Variants in PRTG observed in about 807,000 individuals in gnomAD.
PRTG encodes protogenin, also known as immunoglobulin superfamily, DCC subclass, member 5.
In PRTG, 67 loss-of-function variants were observed where a neutral mutation model predicts 122.5. The ratio of observed to expected loss-of-function variants is 0.55; its 90% CI spans 0.45 to 0.67. The LOEUF is 0.67. Among genes scored for constraint, PRTG ranks in the 30% least tolerant of loss-of-function variants. The pLI, the probability that PRTG is intolerant of heterozygous loss-of-function variation, is 0.00. For missense variants in PRTG, 1,435 were observed against 1,415.4 expected (o/e 1.01, Z -0.22); for synonymous variants, 554 against 501.1 (o/e 1.11, Z -1.41).
Position 55,704,989 on chromosome 15 carries a change from A to G in PRTG, c.398-21058T>C, listed in dbSNP as rs190210944. 1.8e-3 allele frequency among the ~76,000 whole-genome samples: 273 copies of G among 152,334 alleles called. 2 individuals carry two copies. Among genetic ancestry groups the G allele is most frequent in the Middle Eastern group, 3.4e-3 (1 of 294 alleles). On this transcript the variant is annotated intron_variant, in intron 2 of 19. Transcript: ENST00000389286. ...GCTTGACAACACAGCCCTAAAGAAG[A>G]GAAGAGAGAATTAACCTACTATATA...
intron 11 of PRTG, among the ~76,000 whole-genome samples, chr15:55,652,628 C>A (rs1286662806): frequency 6.6e-6 from 1 of 152,070 alleles, no homozygotes; most frequent in Non-Finnish European, 1.5e-5. Context: ...CTGGGGCCAG[C>A]TCAAGTCTGG....
At chr15:55,709,466 T>G (rs1374200583) in intron 2 of PRTG, among the ~76,000 whole-genome samples, 1 of 151,084 alleles carries the variant, frequency 6.6e-6, no homozygotes, top group Non-Finnish European at 1.5e-5. Flanking sequence ...GTTTGGCAGT[T>G]TCCTAAAAAG....
rs1385986455 is a variant in PRTG at position 55,673,507 on chromosome 15, G to A, written c.1716C>T (p.Thr572=). Residue 572 remains threonine, a synonymous_variant, in exon 10 of 20, where the codon ACC becomes ACT. Coordinates refer to ENST00000389286, the MANE Select transcript of PRTG (RefSeq NM_173814.6). ...NSIQVLELPG[T]THEYLLEGLK... ...GGCCTTCCAAAAGGTACTCATGCGT[G>A]GTCCCCGGGAGCTCCAGAACTTGGA... 1.2e-6 allele frequency: 2 copies of A among 1,613,996 alleles called. No homozygotes were observed. Among genetic ancestry groups the A allele is most frequent in the Non-Finnish European group, 1.7e-6 (2 of 1,180,034 alleles).
chr15:55,649,790 TCAA>T (rs2059343754), intron 11 of PRTG, among the ~76,000 whole-genome samples: 4 of 118,782 alleles, frequency 3.4e-5, no homozygotes, highest in Non-Finnish European at 6.8e-5. Flanking sequence ...AGACTCAGTC[TCAA>T]TAAATAAATA....
intron 2 of PRTG, among the ~76,000 whole-genome samples, chr15:55,696,561 C>G (rs1431695668): frequency 6.6e-6 from 1 of 152,002 alleles, no homozygotes; most frequent in Non-Finnish European, 1.5e-5. Context: ...GAAAGTTAAC[C>G]AAAGAACAGG....
At position 55,672,552 on chromosome 15, in the gene PRTG, G is replaced by C. The variant is rs2059478564; in HGVS notation, c.1934C>G (p.Thr645Arg). 6.2e-7 allele frequency: 1 copy of C among 1,613,992 alleles called. No individual in the cohort carries two copies. The highest frequency in any genetic ancestry group is 8.5e-7 in the Non-Finnish European group (1 of 1,179,906). ...CAGCTTGTAGCCCTGAATAGCAGCTGTGTCCTCTACATCTTGCTGCCACCT... is the reference window on the plus strand; with the variant it reads ...CAGCTTGTAGCCCTGAATAGCAGCTCTGTCCTCTACATCTTGCTGCCACCT... Reference protein sequence around the residue: ...SVRWQQDVEDTAAIQGYKLYY... With the variant: ...SVRWQQDVEDRAAIQGYKLYY... Residue 645 changes from threonine to arginine, a missense_variant, in exon 11 of 20, where the codon ACA becomes AGA. Thr to Arg is a moderately conservative substitution (Grantham distance 71, BLOSUM62 -1). Coordinates refer to ENST00000389286, the MANE Select transcript of PRTG (RefSeq NM_173814.6).
chr15:55,633,057 C>A (rs2059236549), intron 15 of PRTG, among the ~76,000 whole-genome samples: 1 of 152,150 alleles, frequency 6.6e-6, no homozygotes, highest in African/African-American at 2.4e-5. Flanking sequence ...ATTCCTCCAA[C>A]TTATTTAACC....
intron 2 of PRTG, among the ~76,000 whole-genome samples, chr15:55,703,861 T>A (rs984911921): frequency 6.6e-6 from 1 of 152,196 alleles, no homozygotes; most frequent in Non-Finnish European, 1.5e-5. Context: ...TTGAAAGACA[T>A]CCCCAACTGG....
At chr15:55,662,421 G>A (rs1367499616) in intron 11 of PRTG, among the ~76,000 whole-genome samples, 3 of 152,158 alleles carry the variant, frequency 2.0e-5, no homozygotes. Flanking sequence ...AAATATTGAA[G>A]AAAGCAAAAT....
chr15:55,651,266 A>C (rs1201543756), intron 11 of PRTG, among the ~76,000 whole-genome samples: 1 of 152,084 alleles, frequency 6.6e-6, no homozygotes, highest in Non-Finnish European at 1.5e-5. Flanking sequence ...GCCCTGAATA[A>C]ATGGGAGATA....
chr15:55,712,458 G>A (rs1335369119), intron 2 of PRTG, among the ~76,000 whole-genome samples: 1 of 152,160 alleles, frequency 6.6e-6, no homozygotes, highest in Non-Finnish European at 1.5e-5. Context: ...ATTTCTTTGG[G>A]TATTACTATA....
At chr15:55,730,739 G>A (rs2031201877) in intron 2 of PRTG, among the ~76,000 whole-genome samples, 1 of 152,156 alleles carries the variant, frequency 6.6e-6, no homozygotes, top group Admixed American at 6.5e-5. Context: ...GGCGGAGCTT[G>A]CAGTGAGCCG....
At chr15:55,707,078 G>C (rs1043905667) in intron 2 of PRTG, among the ~76,000 whole-genome samples, 3 of 152,144 alleles carry the variant, frequency 2.0e-5, no homozygotes, top group Non-Finnish European at 4.4e-5. Flanking sequence ...CGAAGGCAGT[G>C]GGGAGCCATT....
At chr15:55,720,092 CTG>C (rs1333527155) in intron 2 of PRTG, among the ~76,000 whole-genome samples, 1 of 150,530 alleles carries the variant, frequency 6.6e-6, no homozygotes, top group East Asian at 2.0e-4. Flanking sequence ...AAAGAAAAAA[CTG>C]TGGGCCAGGC....
Position 55,672,507 on chromosome 15 carries a change from T to C in PRTG, c.1979A>G (p.Gln660Arg). 1.2e-6 allele frequency: 2 copies of C among 1,614,164 alleles called. No homozygotes were observed. Among genetic ancestry groups the C allele is most frequent in the Non-Finnish European group, 1.7e-6 (2 of 1,180,012 alleles). The change falls in exon 11 of 20, where the codon CAG (glutamine) becomes CGG (arginine). Residue 660 changes from glutamine (Q) to arginine (R), a missense_variant. By Grantham distance (43) the Gln-to-Arg change is conservative. Transcript: ENST00000389286. ...GYKLYYKEEG[Q>R]QENGPIFLDT... ...CAAGAAAATGGGCCCATTCTCCTGC[T>C]GCCCTTCTTCCTTGTAGTACAGCTT...
Position 55,628,847 on chromosome 15 carries a change from C to A in PRTG, c.2781G>T (p.Lys927Asn). Residue 927 changes from lysine (K) to asparagine (N), a missense_variant, in exon 16 of 20, where the codon AAG (lysine) becomes AAT (asparagine). By Grantham distance (94) the Lys-to-Asn change is moderately conservative. Transcript: ENST00000389286. ...KETSESNQRP[K>N]RLDSADAKVY... ...CTTTGGCATCAGCAGAATCTAAACG[C>A]TTGGGCCTCTGATTTGATTCAGAGG... 1 of 1,613,692 alleles carries A rather than the reference C, an allele frequency of 6.2e-7. No homozygotes were observed.
At chr15:55,650,457 G>A (rs2059347497) in intron 11 of PRTG, among the ~76,000 whole-genome samples, 1 of 152,142 alleles carries the variant, frequency 6.6e-6, no homozygotes, top group Non-Finnish European at 1.5e-5. Context: ...ATAAGCAAAG[G>A]TGTGGAGAGA....
At chr15:55,670,675 C>T (rs1056039238) in intron 11 of PRTG, among the ~76,000 whole-genome samples, 4 of 151,888 alleles carry the variant, frequency 2.6e-5, no homozygotes, top group Non-Finnish European at 2.9e-5. Context: ...CTGAGATGGG[C>T]GGATCACCTG....
intron 2 of PRTG, among the ~76,000 whole-genome samples, chr15:55,716,286 CTAAA>C (rs1386015546): frequency 2.0e-5 from 3 of 152,176 alleles, no homozygotes; most frequent in African/African-American, 7.2e-5. Flanking sequence ...AACTGGTTCT[CTAAA>C]TAAAATTATA....
Sources: gnomAD v4.1 joint callset for allele counts (sites outside exome capture counted in the v4.1 genomes callset) on GRCh38, gnomAD v4.1.1 for gene constraint, MANE v1.5 for transcripts, NCBI Gene and HGNC (gene_info 2026-07-23, HGNC 2026-07-21) for gene names.